FDFT1: variants seen among roughly 807,000 people sequenced by gnomAD.
The protein encoded by FDFT1 is farnesyl-diphosphate farnesyltransferase 1.
In FDFT1, 68 loss-of-function variants were observed where a neutral mutation model predicts 46.8. That is an observed-to-expected ratio of 1.45 (90% CI 1.19 to 1.78). The LOEUF (loss-of-function observed/expected upper bound fraction) is 1.78. FDFT1 is among the 40% of genes most tolerant of loss of function. The pLI, the probability that FDFT1 is intolerant of heterozygous loss-of-function variation, is 0.00. For missense variants in FDFT1, 928 were observed against 524.4 expected (o/e 1.77, Z -7.52); for synonymous variants, 351 against 185.1 (o/e 1.90, Z -7.28).
intron 7 of FDFT1, 101 bp downstream of exon 7, chr8:11,831,771 C>A: frequency 3.0e-6 from 3 of 999,674 alleles, no homozygotes; most frequent in Admixed American, 1.8e-5. Context: ...CCTAACAATT[C>A]ACTATCCTGT....
At chr8:11,831,762 C>CT in intron 7 of FDFT1, 92 bp downstream of exon 7, 1 of 1,059,272 alleles carries the variant, frequency 9.4e-7, no homozygotes, top group Non-Finnish European at 1.4e-6. Context: ...TTAGATGATC[C>CT]TAACAATTCA....
chr8:11,838,180 A>G (rs1024349943), intron 7 of FDFT1, among the ~76,000 whole-genome samples: 4 of 152,184 alleles, frequency 2.6e-5, no homozygotes, highest in African/African-American at 9.6e-5. Context: ...CTGTTTGCTC[A>G]GGAAGACAGG....
intron 3 of FDFT1, among the ~76,000 whole-genome samples, chr8:11,814,771 T>G (rs1318551863): frequency 1.3e-5 from 2 of 152,002 alleles, no homozygotes; most frequent in African/African-American, 4.8e-5. Flanking sequence ...AGAGAAACTC[T>G]ATAGCTTCAT....
chr8:11,821,938 A>AGT (rs1809311989), intron 4 of FDFT1, 60 bp downstream of exon 4: 2 of 1,578,956 alleles, frequency 1.3e-6, no homozygotes, highest in Non-Finnish European at 1.7e-6. Context: ...CAGTCCTCAT[A>AGT]GTGAAGCTCA....
At chr8:11,795,723 A>C (rs1199885363) in exon 1 of FDFT1, 2 of 152,242 alleles carry the variant, frequency 1.3e-5, no homozygotes. Context: ...TCCTGAAGCC[A>C]GTAAGACAAC....
chr8:11,797,193 T>G (rs1805641477), intron 1 of FDFT1, among the ~76,000 whole-genome samples: 1 of 152,192 alleles, frequency 6.6e-6, no homozygotes, highest in Admixed American at 6.5e-5. Context: ...CTCAATTTGG[T>G]CGGCTGTCTG....
intron 3 of FDFT1, among the ~76,000 whole-genome samples, chr8:11,812,492 A>AT (rs1563308110): frequency 6.6e-6 from 1 of 152,172 alleles, no homozygotes; most frequent in African/African-American, 2.4e-5. Flanking sequence ...AGAGCCTGGG[A>AT]TATGGGGATC....
chr8:11,799,976 C>G (rs567597086), upstream of FDFT1, among the ~76,000 whole-genome samples: 15 of 149,096 alleles, frequency 1.0e-4, no homozygotes, highest in Non-Finnish European at 1.9e-4. Flanking sequence ...AGAAATAGCA[C>G]TCGAAGGCTG....
chr8:11,831,489 T>A, intron 6 of FDFT1, 29 bp from the exon 7 acceptor site: 1 of 1,600,516 alleles, frequency 6.2e-7, no homozygotes, highest in African/African-American at 1.3e-5. Flanking sequence ...TCATTTCTTC[T>A]TTTTTCCCTC....
At chr8:11,804,658 C>G (rs1455459225) in intron 1 of FDFT1, among the ~76,000 whole-genome samples, 2 of 122,062 alleles carry the variant, frequency 1.6e-5, no homozygotes, top group South Asian at 2.8e-4. Context: ...GGCTGGAGTG[C>G]AGTGGTGGCG....
Position 11,838,681 on chromosome 8 carries a change from G to C in FDFT1, c.*72G>C. On this transcript the variant is annotated 3_prime_UTR_variant, in exon 8 of 8. Transcript: ENST00000220584. Reference sequence around the variant, plus strand: ...TTTTTTCTTTAAGGATGGATGTTGTGTTCTCTTTATTTTTTTCCTACTACT... The same window carrying C: ...TTTTTTCTTTAAGGATGGATGTTGTCTTCTCTTTATTTTTTTCCTACTACT... The C allele has an allele frequency of 1.7e-6, 2 of 1,194,362 alleles. No homozygotes were observed. Among genetic ancestry groups the C allele is most frequent in the Non-Finnish European group, 2.5e-6 (2 of 804,086 alleles). 74.0% of individuals were successfully genotyped at this position (1,194,362 alleles called of 1,614,324 possible).
intron 5 of FDFT1, among the ~76,000 whole-genome samples, chr8:11,828,970 C>T (rs965286545): frequency 1.3e-5 from 2 of 152,260 alleles, no homozygotes; most frequent in South Asian, 2.1e-4. Context: ...TGTACATTTG[C>T]ATATAAGTTT....
At chr8:11,815,820 C>T (rs1240854548) in intron 3 of FDFT1, among the ~76,000 whole-genome samples, 2 of 152,102 alleles carry the variant, frequency 1.3e-5, no homozygotes, top group African/African-American at 4.8e-5. Context: ...CTGTAGGTTG[C>T]CTTTTACTCT....
intron 7 of FDFT1, among the ~76,000 whole-genome samples, chr8:11,837,104 G>T (rs746458610): frequency 6.6e-6 from 1 of 152,250 alleles, no homozygotes; most frequent in Non-Finnish European, 1.5e-5. Context: ...TGAGACTTGG[G>T]GGCCTAGGTA....
intron 5 of FDFT1, among the ~76,000 whole-genome samples, chr8:11,829,068 G>C (rs767957135): frequency 2.0e-5 from 3 of 152,208 alleles, no homozygotes; most frequent in African/African-American, 4.8e-5. Flanking sequence ...CTTGTGAGGA[G>C]CTGCCAGACG....
Position 11,831,526 on chromosome 8 carries a change from C to G in FDFT1, c.888C>G (p.Ala296=), listed in dbSNP as rs1402050918. Residue 296 remains alanine (A), a synonymous_variant, in exon 7 of 8, where the codon GCC becomes GCG. Coordinates refer to ENST00000220584, the MANE Select transcript of FDFT1 (RefSeq NM_004462.5). ...CTTCTTGTTGTCTCTAGGTGATGGC[C>G]ATTGCCACTTTGGCTGCCTGTTATA... ...FNFCAIPQVM[A]IATLAACYNN... 1.2e-6 allele frequency: 2 copies of G among 1,613,806 alleles called. No homozygotes were observed. The highest frequency in any genetic ancestry group is 2.7e-5 in the African/African-American group (2 of 74,900).
At chr8:11,822,862 T>G (rs1426624152) in intron 4 of FDFT1, among the ~76,000 whole-genome samples, 1 of 152,220 alleles carries the variant, frequency 6.6e-6, no homozygotes, top group Non-Finnish European at 1.5e-5. Context: ...GAACCAGCAC[T>G]GGTTATGATA....
chr8:11,799,245 G>T (rs1048140110), upstream of FDFT1, among the ~76,000 whole-genome samples: 1 of 152,238 alleles, frequency 6.6e-6, no homozygotes, highest in South Asian at 2.1e-4. Flanking sequence ...GTCTTATCAG[G>T]AGAAAGTTAC....
intron 3 of FDFT1, among the ~76,000 whole-genome samples, chr8:11,810,962 A>G (rs946733285): frequency 1.4e-5 from 2 of 146,940 alleles, no homozygotes; most frequent in African/African-American, 5.0e-5. Flanking sequence ...AAAAAAAGGA[A>G]TGTTTGGGGA....
Sources: gnomAD v4.1 joint callset for allele counts (sites outside exome capture counted in the v4.1 genomes callset) on GRCh38, gnomAD v4.1.1 for gene constraint, MANE v1.5 for transcripts, NCBI Gene and HGNC (gene_info 2026-07-23, HGNC 2026-07-21) for gene names.